The following GRIK3 variants were observed in gnomAD, a reference collection of about 807,000 sequenced individuals.
The protein encoded by GRIK3 is glutamate receptor ionotropic, kainate 3.
A neutral mutation model predicts 102.5 loss-of-function variants in GRIK3; 29 were observed. The observed-to-expected ratio is 0.28, with a 90% CI of 0.21 to 0.39. GRIK3 has a LOEUF of 0.39. Among genes scored for constraint, GRIK3 ranks in the 10% least tolerant of loss-of-function variants. GRIK3 has a pLI of 1.00. For missense variants in GRIK3, 908 were observed against 1,252.4 expected (o/e 0.73, Z 4.15); for synonymous variants, 511 against 504.9 (o/e 1.01, Z -0.16).
At chr1:37,027,923 A>G (rs1309057932) in intron 1 of GRIK3, among the ~76,000 whole-genome samples, 1 of 151,898 alleles carries the variant, frequency 6.6e-6, no homozygotes, top group African/African-American at 2.4e-5. Flanking sequence ...GATTAGGAAG[A>G]CTCTTGCATC....
chr1:36,886,820 A>G (rs923623041), intron 2 of GRIK3, among the ~76,000 whole-genome samples: 1 of 152,162 alleles, frequency 6.6e-6, no homozygotes, highest in African/African-American at 2.4e-5. Flanking sequence ...GCTCCTTCCC[A>G]GTCAATATCC....
intron 1 of GRIK3, among the ~76,000 whole-genome samples, chr1:37,017,898 G>C (rs1221776913): frequency 6.6e-6 from 1 of 152,184 alleles, no homozygotes; most frequent in Non-Finnish European, 1.5e-5. Context: ...TGATGGATGG[G>C]TAATGAGTCC....
At chr1:36,833,619 G>A (rs767881392) in intron 10 of GRIK3, among the ~76,000 whole-genome samples, 1 of 152,250 alleles carries the variant, frequency 6.6e-6, no homozygotes, top group East Asian at 1.9e-4. Flanking sequence ...AGAGGTTGGG[G>A]CCAACACATG....
intron 5 of GRIK3, among the ~76,000 whole-genome samples, chr1:36,861,916 C>T (rs760092490): frequency 3.9e-5 from 6 of 152,096 alleles, no homozygotes; most frequent in Non-Finnish European, 8.8e-5. Context: ...GAGGGTGTCT[C>T]TGTGGCCCCA....
At chr1:36,913,094 A>C (rs539700906) in intron 1 of GRIK3, among the ~76,000 whole-genome samples, 2 of 152,304 alleles carry the variant, frequency 1.3e-5, no homozygotes, top group South Asian at 4.1e-4. Context: ...GTCCCTTACA[A>C]GAGTGGATAG....
At chr1:36,950,406 A>T (rs1047437756) in intron 1 of GRIK3, among the ~76,000 whole-genome samples, 1 of 152,242 alleles carries the variant, frequency 6.6e-6, no homozygotes, top group South Asian at 2.1e-4. Flanking sequence ...CTCCATTTAT[A>T]AAATAATATT....
intron 11 of GRIK3, among the ~76,000 whole-genome samples, chr1:36,824,350 C>T (rs1642730236): frequency 6.6e-6 from 1 of 152,162 alleles, no homozygotes; most frequent in African/African-American, 2.4e-5. Context: ...GCTTGTTAGA[C>T]CATTAGAGAC....
intron 1 of GRIK3, among the ~76,000 whole-genome samples, chr1:36,968,237 G>A (rs996352956): frequency 6.7e-6 from 1 of 148,618 alleles, no homozygotes; most frequent in Non-Finnish European, 1.5e-5. Flanking sequence ...GTGTGTGTGT[G>A]TGTGTGTGTG....
At chr1:36,942,781 G>C (rs925888260) in intron 1 of GRIK3, among the ~76,000 whole-genome samples, 3 of 152,142 alleles carry the variant, frequency 2.0e-5, no homozygotes, top group African/African-American at 7.2e-5. Flanking sequence ...CGCCCCCATG[G>C]TTCCACCTCC....
chr1:37,025,813 T>C (rs1241507739), intron 1 of GRIK3, among the ~76,000 whole-genome samples: 1 of 152,214 alleles, frequency 6.6e-6, no homozygotes, highest in Non-Finnish European at 1.5e-5. Flanking sequence ...ACCAGAATCT[T>C]AGTTCCTTCT....
Position 36,975,288 on chromosome 1 carries a change from G to GTTT in GRIK3, c.115+58703_115+58705dup, listed in dbSNP as rs61125066. Among the ~76,000 whole-genome samples the GTTT allele has an allele frequency of 2.7e-4, 31 of 113,334 alleles. 1 individual carries two copies. The highest frequency in any genetic ancestry group is 4.9e-4 in the African/African-American group (13 of 26,280). 74.4% of individuals were successfully genotyped at this position (113,334 alleles called of 152,430 possible). ...AAATCAATGAGCTTATCTAAAGTTG[G>GTTT]TTTTTTTTTTTTTTTTTTTTGAGAG... On this transcript the variant is annotated intron_variant, in intron 1 of 15. Coordinates refer to ENST00000373091, the MANE Select transcript of GRIK3 (RefSeq NM_000831.4).
At chr1:36,968,540 C>T (rs1017942614) in intron 1 of GRIK3, among the ~76,000 whole-genome samples, 1 of 152,166 alleles carries the variant, frequency 6.6e-6, no homozygotes, top group Non-Finnish European at 1.5e-5. Context: ...CTGAAAATAC[C>T]TCCACCTGCC....
chr1:36,966,410 T>C (rs531985844), intron 1 of GRIK3, among the ~76,000 whole-genome samples: 72 of 152,260 alleles, frequency 4.7e-4, no homozygotes, highest in African/African-American at 1.7e-3. Context: ...TTGGACTGGG[T>C]GGGTCTGGAT....
At chr1:36,965,515 T>C (rs944332105) in intron 1 of GRIK3, among the ~76,000 whole-genome samples, 1 of 152,070 alleles carries the variant, frequency 6.6e-6, no homozygotes, top group Non-Finnish European at 1.5e-5. Flanking sequence ...GGGCTTGCCA[T>C]AGCCAGGGGA....
At chr1:37,021,091 AGTGTGTGTGTGTGT>A (rs140990633) in intron 1 of GRIK3, among the ~76,000 whole-genome samples, 2 of 143,932 alleles carry the variant, frequency 1.4e-5, no homozygotes, top group Admixed American at 6.9e-5. Flanking sequence ...CAAATTTGCA[AGTGTGTGTGTGTGT>A]GTGTGTGTGT....
intron 9 of GRIK3, among the ~76,000 whole-genome samples, chr1:36,842,912 T>G (rs1453643042): frequency 1.3e-5 from 2 of 152,192 alleles, no homozygotes; most frequent in African/African-American, 4.8e-5. Flanking sequence ...CCCATGGTGC[T>G]CCTCCCTCAG....
At chr1:36,871,141 T>C (rs1640838298) in intron 4 of GRIK3, among the ~76,000 whole-genome samples, 1 of 152,210 alleles carries the variant, frequency 6.6e-6, no homozygotes, top group Admixed American at 6.5e-5. Flanking sequence ...GAACCTCATC[T>C]ACAGAGGAGG....
chr1:36,806,561 A>T lies in GRIK3; in HGVS notation c.2092-235T>A, dbSNP rs936417052. On this transcript the variant is annotated intron_variant, in intron 13 of 15. Coordinates refer to ENST00000373091, the MANE Select transcript of GRIK3 (RefSeq NM_000831.4). This position sits in a 1 kb window ranked among gnomAD's most constrained non-coding sequence, Gnocchi z 4.0. Reference sequence around the variant, plus strand: ...GTAGACTCAGGCCTGCTTCCTGGAAACCCTGGCCATGGCACAAGTGGTCTT... The same window carrying T: ...GTAGACTCAGGCCTGCTTCCTGGAATCCCTGGCCATGGCACAAGTGGTCTT... Among the ~76,000 whole-genome samples the T allele has an allele frequency of 6.6e-6, 1 of 152,076 alleles. No individual in the cohort carries two copies. The highest frequency in any genetic ancestry group is 1.5e-5 in the Non-Finnish European group (1 of 68,010).
chr1:36,905,688 G>C (rs754801548), intron 1 of GRIK3, among the ~76,000 whole-genome samples: 1 of 152,104 alleles, frequency 6.6e-6, no homozygotes, highest in African/African-American at 2.4e-5. Context: ...AATATCTCTG[G>C]ATAGAAGTTT....
Sources: allele counts gnomAD v4.1 joint callset (sites outside exome capture counted in the v4.1 genomes callset), GRCh38; gene constraint gnomAD v4.1.1; non-coding constraint Gnocchi (gnomAD v3.1); transcripts MANE v1.5; gene names NCBI Gene and HGNC (gene_info 2026-07-23, HGNC 2026-07-21).